The following HEPHL1 variants were observed in gnomAD, a reference collection of about 807,000 sequenced individuals.
HEPHL1 encodes ferroxidase HEPHL1.
Under a neutral mutation model 122.0 loss-of-function variants are expected in HEPHL1, and 123 were observed. The ratio of observed to expected loss-of-function variants is 1.01; its 90% CI spans 0.87 to 1.17. The LOEUF (loss-of-function observed/expected upper bound fraction) is 1.17, where lower values mean the gene tolerates loss of function less well. Ranked by LOEUF, HEPHL1 falls within the 50% of genes most tolerant of loss-of-function variation. HEPHL1 has a pLI of 0.00. For synonymous variants in HEPHL1, 527 were observed against 508.9 expected (o/e 1.04, Z -0.48); for missense variants, 1,452 against 1,430.5 (o/e 1.01, Z -0.24).
chr11:94,037,258 A>T, intron 1 of HEPHL1, among the ~76,000 whole-genome samples: 1 of 152,010 alleles, frequency 6.6e-6, no homozygotes, highest in Non-Finnish European at 1.5e-5. Context: ...CAGCAGTCTG[A>T]GATCAAACTG....
intron 14 of HEPHL1, among the ~76,000 whole-genome samples, chr11:94,101,987 CTGTTA>C (rs1337352343): frequency 1.3e-5 from 2 of 152,122 alleles, no homozygotes; most frequent in African/African-American, 2.4e-5. Flanking sequence ...TTATAGTGTA[CTGTTA>C]TAATTGTCAT....
At chr11:94,064,866 T>A (rs1052893910) in intron 4 of HEPHL1, among the ~76,000 whole-genome samples, 2 of 152,212 alleles carry the variant, frequency 1.3e-5, no homozygotes, top group African/African-American at 4.8e-5. Context: ...AATGAAATCA[T>A]CGTTCTATAA....
Position 94,042,875 on chromosome 11 carries a change from T to TTAAAAAAAAAAAA in HEPHL1, c.171-2798_171-2797insTAAAAAAAAAAAA, listed in dbSNP as rs772689404. ...ATGTACCCTAAAACTTAAAGTATAATAAAAAAAAAAAAAAAAAACTGCATG... is the reference window on the plus strand; with the variant it reads ...ATGTACCCTAAAACTTAAAGTATAATTAAAAAAAAAAAAAAAAAAAAAAAAAAAAAACTGCATG... On this transcript the variant is annotated intron_variant, in intron 1 of 19. Transcript: ENST00000315765. 1.7e-3 allele frequency among the ~76,000 whole-genome samples: 108 copies of TTAAAAAAAAAAAA among 63,158 alleles called. 4 individuals are homozygous for TTAAAAAAAAAAAA. The highest frequency in any genetic ancestry group is 4.1e-4 in the Non-Finnish European group (14 of 34,504). The allele number at this position is 63,158 out of a possible 152,430, so 41.4% of individuals were successfully genotyped here.
intron 12 of HEPHL1, among the ~76,000 whole-genome samples, chr11:94,090,062 G>T (rs994348492): frequency 6.6e-6 from 1 of 151,916 alleles, no homozygotes; most frequent in South Asian, 2.1e-4. Flanking sequence ...TGTTTTGAGG[G>T]GCTGTACTTA....
At chr11:94,069,885 T>G (rs1044037815) in intron 5 of HEPHL1, among the ~76,000 whole-genome samples, 3 of 152,278 alleles carry the variant, frequency 2.0e-5, no homozygotes, top group African/African-American at 2.4e-5. Flanking sequence ...CACATTCTCT[T>G]TTGGAAATTG....
intron 4 of HEPHL1, among the ~76,000 whole-genome samples, chr11:94,066,614 T>A (rs1318090217): frequency 6.6e-6 from 1 of 152,018 alleles, no homozygotes; most frequent in African/African-American, 2.4e-5. Flanking sequence ...AAGGAAAAAA[T>A]TTAATTAAAA....
chr11:94,057,937 G>A (rs1395762339), intron 2 of HEPHL1, among the ~76,000 whole-genome samples: 2 of 151,060 alleles, frequency 1.3e-5, no homozygotes, highest in African/African-American at 4.9e-5. Context: ...TATTTTTTTT[G>A]CTTGCTTCTT....
intron 2 of HEPHL1, among the ~76,000 whole-genome samples, chr11:94,048,558 T>C (rs1945860614): frequency 6.6e-6 from 1 of 151,966 alleles, no homozygotes; most frequent in African/African-American, 2.4e-5. Flanking sequence ...GATAGGATCT[T>C]GCTGTGTTGT....
intron 1 of HEPHL1, among the ~76,000 whole-genome samples, chr11:94,033,773 T>G (rs1401183): frequency 0.57 from 86,854 of 151,990 alleles, 25,130 homozygotes; most frequent in African/African-American, 0.63. Flanking sequence ...CACCAACTCT[T>G]CCAGGCGAGT....
chr11:94,058,641 A>C (rs1945959959), intron 2 of HEPHL1, among the ~76,000 whole-genome samples: 1 of 152,208 alleles, frequency 6.6e-6, no homozygotes, highest in African/African-American at 2.4e-5. Flanking sequence ...AGAATGAACT[A>C]GTGCTTTCTT....
At chr11:94,101,140 A>G in intron 13 of HEPHL1, 55 bp from the exon 14 acceptor site, 1 of 1,577,510 alleles carries the variant, frequency 6.3e-7, no homozygotes, top group Non-Finnish European at 8.6e-7. Flanking sequence ...TATTTAAATT[A>G]CACTAATGTT....
chr11:94,104,591 G>A lies in HEPHL1; in HGVS notation c.2746G>A (p.Gly916Arg), dbSNP rs761903583. The A allele has an allele frequency of 7.4e-6, 12 of 1,613,876 alleles. No individual in the cohort carries two copies. In the South Asian group the frequency reaches 1.3e-4, roughly 18 times the overall value. The change falls in exon 16 of 20, where the codon GGA becomes AGA. Residue 916 changes from glycine to arginine, a missense_variant. By Grantham distance (125) the Gly-to-Arg change is moderately radical. Coordinates refer to ENST00000315765, the MANE Select transcript of HEPHL1 (RefSeq NM_001098672.2). ...CCGAAAAGGAGTCTTGAATGAAAAGGGAAGAAGAAGTGACGTTGATTATGA... is the reference window on the plus strand; with the variant it reads ...CCGAAAAGGAGTCTTGAATGAAAAGAGAAGAAGAAGTGACGTTGATTATGA... ...TCRKGVLNEK[G>R]RRSDVDYEFA...
At chr11:94,075,079 C>G (rs1312631745) in intron 8 of HEPHL1, 95 bp from the exon 9 acceptor site, 1 of 1,023,702 alleles carries the variant, frequency 9.8e-7, no homozygotes, top group Admixed American at 2.1e-5. Context: ...AATTCTTCAT[C>G]ATCAGAGGGA....
At chr11:94,093,886 G>T (rs1291543294) in intron 13 of HEPHL1, among the ~76,000 whole-genome samples, 3 of 147,656 alleles carry the variant, frequency 2.0e-5, no homozygotes, top group Non-Finnish European at 4.5e-5. Context: ...ATGACATCAG[G>T]GCAGTCTAAC....
At chr11:94,062,261 A>C (rs1057096337) in intron 2 of HEPHL1, among the ~76,000 whole-genome samples, 14 of 152,186 alleles carry the variant, frequency 9.2e-5, no homozygotes, top group Non-Finnish European at 1.3e-4. Flanking sequence ...TAAAAAATGA[A>C]TATTAATACT....
chr11:94,060,710 C>T (rs187407817), intron 2 of HEPHL1, among the ~76,000 whole-genome samples: 297 of 152,278 alleles, frequency 2.0e-3, no homozygotes, highest in Non-Finnish European at 3.6e-3. Flanking sequence ...AGATAACTGA[C>T]CCAGTCCAGG....
chr11:94,087,645 A>T (rs1232924158), intron 11 of HEPHL1, among the ~76,000 whole-genome samples: 1 of 152,090 alleles, frequency 6.6e-6, no homozygotes, highest in African/African-American at 2.4e-5. Flanking sequence ...TTCCTCAACT[A>T]TTGAAGTGCC....
Position 94,075,454 on chromosome 11 carries a change from G to A in HEPHL1, c.1716+69G>A, listed in dbSNP as rs1946114238. The A allele has an allele frequency of 1.7e-5, 20 of 1,161,592 alleles. 1 individual carries two copies. The highest frequency in any genetic ancestry group is 1.5e-4 in the South Asian group (12 of 78,590). The allele number at this position is 1,161,592 out of a possible 1,614,324, so 72.0% of individuals were successfully genotyped here. On this transcript the variant is annotated intron_variant, in intron 9 of 19. Transcript: ENST00000315765. ...GGAGAGATCCGCAAGAGCCAGAGAC[G>A]AGACAGGAATAGTCAGTTACAAAAA...
intron 2 of HEPHL1, among the ~76,000 whole-genome samples, chr11:94,053,579 A>T (rs569913677): frequency 2.2e-4 from 34 of 151,996 alleles, no homozygotes; most frequent in Non-Finnish European, 4.7e-4. Context: ...AACTTCTGAG[A>T]TAGATGACTT....
Sources: allele counts gnomAD v4.1 joint callset (sites outside exome capture counted in the v4.1 genomes callset), GRCh38; gene constraint gnomAD v4.1.1; transcripts MANE v1.5; gene names NCBI Gene and HGNC (gene_info 2026-07-23, HGNC 2026-07-21).